Variants in NBAS observed in about 807,000 individuals in gnomAD.
The protein encoded by NBAS is NAG/BC035112 fusion.
NBAS carries 219 observed loss-of-function variants against 302.5 expected under a neutral mutation model. The ratio of observed to expected loss-of-function variants is 0.72; its 90% confidence interval spans 0.65 to 0.81. NBAS has a LOEUF of 0.81. NBAS is among the 30% of genes least tolerant of loss of function. The pLI, the probability that NBAS is intolerant of heterozygous loss-of-function variation, is 0.00. For missense variants in NBAS, 2,932 were observed against 2,841.6 expected, an observed-to-expected ratio of 1.03 and a Z score of -0.72; for synonymous variants, 1,118 against 1,021.6, an observed-to-expected ratio of 1.09 and a Z score of -1.80.
the NBAS span, among the ~76,000 whole-genome samples, chr2:15,068,788 T>C: frequency 1.3e-5 from 2 of 152,242 alleles, no homozygotes; most frequent in African/African-American, 4.8e-5. Context: ...ACAATCTCTT[T>C]ATCTACCTGT....
the NBAS span, among the ~76,000 whole-genome samples, chr2:14,811,292 C>T: frequency 6.6e-6 from 1 of 152,072 alleles, no homozygotes; most frequent in Admixed American, 6.6e-5. Flanking sequence ...TGTCTGTATT[C>T]CAAGCTACCG....
intron 11 of NBAS, among the ~76,000 whole-genome samples, chr2:15,492,322 G>A (rs1680890864): frequency 6.6e-6 from 1 of 152,188 alleles, no homozygotes; most frequent in Non-Finnish European, 1.5e-5. Flanking sequence ...GAACGTTCAT[G>A]CATAGTAAGA....
chr2:14,868,182 G>A, the NBAS span, among the ~76,000 whole-genome samples: 1 of 152,076 alleles, frequency 6.6e-6, no homozygotes, highest in South Asian at 2.1e-4. Flanking sequence ...TAACAAAACT[G>A]GAAACTAAAT....
At chr2:15,356,717 G>A (rs1057444803) in intron 32 of NBAS, among the ~76,000 whole-genome samples, 3 of 152,148 alleles carry the variant, frequency 2.0e-5, no homozygotes. Flanking sequence ...ACCAGGGTAA[G>A]GGAAAGAGAA....
chr2:15,332,030 C>T (rs1481917210), intron 35 of NBAS, among the ~76,000 whole-genome samples: 1 of 152,114 alleles, frequency 6.6e-6, no homozygotes, highest in Non-Finnish European at 1.5e-5. Flanking sequence ...GGAACTCAAC[C>T]CACAGTTGTT....
rs1385854982 is a variant in NBAS at position 15,327,825 on chromosome 2, A to C, written c.4507T>G (p.Phe1503Val). The C allele has an allele frequency of 1.2e-6, 2 of 1,613,566 alleles. No individual in the cohort carries two copies. Among genetic ancestry groups the C allele is most frequent in the African/African-American group, 2.7e-5 (2 of 74,872 alleles). Residue 1503 changes from phenylalanine (F) to valine (V), a missense_variant, in exon 38 of 52, where the codon TTT becomes GTT. Phe to Val is a conservative substitution (Grantham distance 50, BLOSUM62 -1). Coordinates refer to ENST00000281513, the MANE Select transcript of NBAS (RefSeq NM_015909.4). ...CCAGTTCTCAGCAATACTTCTGCAA[A>C]GCTTTCCACTGGAACATGCTGATAG... ...DTYQHVPVES[F>V]AEVLLRTGKL...
intron 9 of NBAS, among the ~76,000 whole-genome samples, chr2:15,524,864 G>A (rs77024790): frequency 0.012 from 1,843 of 151,816 alleles, 17 homozygotes; most frequent in Non-Finnish European, 0.019. Context: ...CCATTGGCCT[G>A]GCACAGAATG....
chr2:15,441,905 A>G (rs1373207561), intron 21 of NBAS, among the ~76,000 whole-genome samples: 1 of 151,156 alleles, frequency 6.6e-6, no homozygotes, highest in Non-Finnish European at 1.5e-5. Context: ...CAAAAGAGAC[A>G]AAGAAGGCCA....
At chr2:15,031,862 A>G in the NBAS span, among the ~76,000 whole-genome samples, 4 of 152,218 alleles carry the variant, frequency 2.6e-5, no homozygotes, top group African/African-American at 7.2e-5. Context: ...GCTGGAGATT[A>G]TCCTGGATCT....
chr2:15,547,945 C>T (rs1282082345), intron 6 of NBAS, among the ~76,000 whole-genome samples: 1 of 152,180 alleles, frequency 6.6e-6, no homozygotes, highest in Non-Finnish European at 1.5e-5. Flanking sequence ...GTCTTCTTAT[C>T]CACCCTTATT....
At chr2:15,128,733 TG>T in the NBAS span, among the ~76,000 whole-genome samples, 1 of 152,114 alleles carries the variant, frequency 6.6e-6, no homozygotes, top group Non-Finnish European at 1.5e-5. Flanking sequence ...GAAAAGTCAC[TG>T]GGGACACATT....
chr2:15,229,817 G>A (rs1667307081), intron 47 of NBAS, among the ~76,000 whole-genome samples: 5 of 151,720 alleles, frequency 3.3e-5, no homozygotes, highest in Non-Finnish European at 7.4e-5. Context: ...AAGAGGACGT[G>A]AAAAATGGCA....
chr2:15,021,369 A>AG, the NBAS span, among the ~76,000 whole-genome samples: 1 of 152,176 alleles, frequency 6.6e-6, no homozygotes, highest in Non-Finnish European at 1.5e-5. Flanking sequence ...GGCACACTAA[A>AG]GGGGGAATGA....
the NBAS span, among the ~76,000 whole-genome samples, chr2:15,088,381 T>C: frequency 2.0e-5 from 3 of 152,246 alleles, no homozygotes; most frequent in Non-Finnish European, 4.4e-5. Flanking sequence ...TTTTCTGCTC[T>C]TCTTTTCAAA....
intron 47 of NBAS, among the ~76,000 whole-genome samples, chr2:15,226,718 AAATT>A (rs1667165534): frequency 6.6e-6 from 1 of 152,228 alleles, no homozygotes; most frequent in South Asian, 2.1e-4. Context: ...TTTTAACACA[AAATT>A]AGCACAGATA....
the NBAS span, among the ~76,000 whole-genome samples, chr2:15,073,662 C>A: frequency 6.6e-6 from 1 of 151,938 alleles, no homozygotes; most frequent in Non-Finnish European, 1.5e-5. Flanking sequence ...TGTACTTTCT[C>A]ATGTTATACA....
chr2:15,263,317 C>T (rs1668932624), intron 44 of NBAS, among the ~76,000 whole-genome samples: 2 of 152,168 alleles, frequency 1.3e-5, no homozygotes, highest in East Asian at 3.9e-4. Context: ...TGGTCTTGAA[C>T]TCCTGGCCTC....
chr2:15,440,847 T>C (rs1247243685), intron 21 of NBAS, among the ~76,000 whole-genome samples: 5 of 151,870 alleles, frequency 3.3e-5, no homozygotes, highest in South Asian at 2.1e-4. Context: ...GCTGGAGAAC[T>C]ACGTGAAGAA....
the NBAS span, among the ~76,000 whole-genome samples, chr2:14,919,272 C>A: frequency 6.6e-6 from 1 of 152,252 alleles, no homozygotes; most frequent in East Asian, 1.9e-4. Context: ...ACACTATAGT[C>A]TTTCAAGTGT....
Sources: gnomAD v4.1 joint callset for allele counts (sites outside exome capture counted in the v4.1 genomes callset) on GRCh38, gnomAD v4.1.1 for gene constraint, MANE v1.5 for transcripts, NCBI Gene and HGNC (gene_info 2026-07-23, HGNC 2026-07-21) for gene names.